Variants in DLG2 observed in about 807,000 individuals in gnomAD.
The protein encoded by DLG2 is disks large homolog 2.
A neutral mutation model predicts 132.5 loss-of-function variants in DLG2; 45 were observed. That is an observed-to-expected ratio of 0.34 (90% CI 0.27 to 0.44). DLG2 has a LOEUF of 0.44. DLG2 is among the 20% of genes least tolerant of loss of function. DLG2 has a pLI of 1.00. For missense variants in DLG2, 1,045 were observed against 1,196.9 expected (o/e 0.87, Z 1.87); for synonymous variants, 424 against 419.6 (o/e 1.01, Z -0.13).
intron 19 of DLG2, among the ~76,000 whole-genome samples, chr11:83,567,998 G>C (rs774582086): frequency 6.6e-6 from 1 of 152,152 alleles, no homozygotes; most frequent in Admixed American, 6.6e-5. Context: ...TAAATAAGGC[G>C]TATGATCTTA....
intron 19 of DLG2, among the ~76,000 whole-genome samples, chr11:83,550,021 T>C (rs1042517134): frequency 6.6e-6 from 1 of 152,218 alleles, no homozygotes; most frequent in Non-Finnish European, 1.5e-5. Flanking sequence ...AGATTTATTA[T>C]GTTCTGTGGA....
rs528541446 is a variant in DLG2, at chr11:83,834,493, G to C, written c.1566-723C>G. Among the ~76,000 whole-genome samples the C allele has an allele frequency of 2.0e-5, 3 of 152,198 alleles. No individual in the cohort carries two copies. The East Asian group carries it at 5.8e-4, about 29-fold the overall frequency. On this transcript the variant is annotated intron_variant, in intron 16 of 27. Coordinates refer to ENST00000376104, the MANE Select transcript of DLG2 (RefSeq NM_001142699.3). ...TAGGTCCAGAGATGACTCAGACATT[G>C]GAAAAAGAGGAGAGAGAGCATCTAA...
At chr11:83,832,717 T>C (rs2054913010) in intron 17 of DLG2, among the ~76,000 whole-genome samples, 1 of 152,096 alleles carries the variant, frequency 6.6e-6, no homozygotes, top group African/African-American at 2.4e-5. Flanking sequence ...GATATACCCA[T>C]ATAAGAAACA....
At chr11:83,806,393 T>C (rs1006617625) in intron 17 of DLG2, among the ~76,000 whole-genome samples, 6 of 152,204 alleles carry the variant, frequency 3.9e-5, no homozygotes, top group African/African-American at 1.4e-4. Flanking sequence ...ACACTTTCTC[T>C]ACACATATTT....
intron 6 of DLG2, among the ~76,000 whole-genome samples, chr11:84,681,508 C>A (rs2099729905): frequency 6.6e-6 from 1 of 152,106 alleles, no homozygotes; most frequent in African/African-American, 2.4e-5. Flanking sequence ...AGTATTTGAA[C>A]ATGCAGCTTT....
At chr11:84,875,926 C>T (rs950957675) in intron 6 of DLG2, among the ~76,000 whole-genome samples, 7 of 152,010 alleles carry the variant, frequency 4.6e-5, no homozygotes, top group South Asian at 2.1e-4. Flanking sequence ...TTAGTAGAGA[C>T]GGGGTTTCAC....
intron 21 of DLG2, among the ~76,000 whole-genome samples, chr11:83,500,818 A>C (rs1014321907): frequency 2.0e-5 from 3 of 152,184 alleles, no homozygotes; most frequent in Non-Finnish European, 2.9e-5. Context: ...AAGAGATGAT[A>C]AAATTTAATA....
intron 6 of DLG2, among the ~76,000 whole-genome samples, chr11:85,100,486 TTGACTCCAAAAC>T (rs2070694977): frequency 6.6e-6 from 1 of 152,322 alleles, no homozygotes; most frequent in South Asian, 2.1e-4. Context: ...CAAGGTCTGC[TTGACTCCAAAAC>T]TCATGTCCTT....
chr11:83,640,839 G>T (rs1024218986), intron 18 of DLG2, among the ~76,000 whole-genome samples: 1 of 152,058 alleles, frequency 6.6e-6, no homozygotes, highest in Admixed American at 6.5e-5. Flanking sequence ...GACAAATTGG[G>T]GCAGGTTAAA....
chr11:85,509,764 A>G (rs896960485), intron 3 of DLG2, among the ~76,000 whole-genome samples: 1 of 152,130 alleles, frequency 6.6e-6, no homozygotes, highest in Admixed American at 6.6e-5. Context: ...GGTTAAAAAG[A>G]CATTAATCTA....
At chr11:84,344,204 C>A (rs565546371) in intron 7 of DLG2, among the ~76,000 whole-genome samples, 1 of 152,128 alleles carries the variant, frequency 6.6e-6, no homozygotes, top group Non-Finnish European at 1.5e-5. Context: ...GTGACCGAGC[C>A]AACAGATGCT....
intron 7 of DLG2, among the ~76,000 whole-genome samples, chr11:84,333,310 T>C (rs2098469418): frequency 6.6e-6 from 1 of 152,214 alleles, no homozygotes; most frequent in Non-Finnish European, 1.5e-5. Context: ...CAAGTAAAAA[T>C]ACAACTGCTT....
intron 11 of DLG2, among the ~76,000 whole-genome samples, chr11:84,048,831 GT>G (rs2154117084): frequency 6.6e-6 from 1 of 150,998 alleles, no homozygotes; most frequent in East Asian, 2.0e-4. Context: ...AATCCAACTT[GT>G]TAAAGAAAAA....
chr11:83,655,583 C>T (rs1196219407), intron 18 of DLG2, among the ~76,000 whole-genome samples: 3 of 152,074 alleles, frequency 2.0e-5, no homozygotes, highest in African/African-American at 7.2e-5. Flanking sequence ...TATGTACATG[C>T]TTGTATGGAT....
At chr11:84,696,931 A>G (rs911432076) in intron 6 of DLG2, among the ~76,000 whole-genome samples, 1 of 151,458 alleles carries the variant, frequency 6.6e-6, no homozygotes, top group Non-Finnish European at 1.5e-5. Flanking sequence ...GAGGCTTAAA[A>G]TATTAAATAA....
chr11:85,158,450 T>C (rs1369241643), intron 4 of DLG2, among the ~76,000 whole-genome samples: 2 of 152,166 alleles, frequency 1.3e-5, no homozygotes, highest in African/African-American at 4.8e-5. Flanking sequence ...GAGATTGGGA[T>C]GGTGGAGTGG....
At chr11:84,644,797 C>G (rs1174882809) in intron 6 of DLG2, among the ~76,000 whole-genome samples, 1 of 151,490 alleles carries the variant, frequency 6.6e-6, no homozygotes, top group Non-Finnish European at 1.5e-5. Flanking sequence ...ACTAATAATT[C>G]CTGTATGTAG....
At chr11:84,202,648 C>CA (rs1388202944) in intron 8 of DLG2, among the ~76,000 whole-genome samples, 3 of 152,148 alleles carry the variant, frequency 2.0e-5, no homozygotes, top group Admixed American at 2.0e-4. Context: ...ACCTTCTGCA[C>CA]AGCAAAAGAA....
At chr11:85,558,477 AG>A (rs1333082533) in intron 3 of DLG2, among the ~76,000 whole-genome samples, 1 of 151,922 alleles carries the variant, frequency 6.6e-6, no homozygotes, top group East Asian at 1.9e-4. Flanking sequence ...TATACCAAAA[AG>A]ATACCTGCAC....
Sources: allele counts gnomAD v4.1 joint callset (sites outside exome capture counted in the v4.1 genomes callset), GRCh38; gene constraint gnomAD v4.1.1; transcripts MANE v1.5; gene names NCBI Gene and HGNC (gene_info 2026-07-23, HGNC 2026-07-21).